Variants in KALRN observed in about 807,000 individuals in gnomAD.
KALRN encodes kalirin RhoGEF kinase.
KALRN carries 70 observed loss-of-function variants against 353.7 expected under a neutral mutation model. The observed-to-expected ratio is 0.20, with a 90% confidence interval of 0.16 to 0.24. The LOEUF (loss-of-function observed/expected upper bound fraction) is 0.24, where lower values mean the gene tolerates loss of function less well. KALRN is among the 10% of genes least tolerant of loss of function. The probability of loss-of-function intolerance (pLI) is 1.00; values close to 1 mark genes in which losing one functional copy is unlikely to be tolerated. For missense variants in KALRN, 2,791 were observed against 3,756.7 expected, an observed-to-expected ratio of 0.74 and a Z score of 6.72; for synonymous variants, 1,391 against 1,434.8, an observed-to-expected ratio of 0.97 and a Z score of 0.69.
chr3:124,061,767 C>T (rs1350517107), intron 1 of KALRN, among the ~76,000 whole-genome samples: 1 of 152,136 alleles, frequency 6.6e-6, no homozygotes. Flanking sequence ...TTGTTTTAGG[C>T]GCCATCTCTG....
At chr3:124,578,768 A>AG (rs2074362321) in intron 34 of KALRN, among the ~76,000 whole-genome samples, 1 of 49,912 alleles carries the variant, frequency 2.0e-5, no homozygotes, top group Non-Finnish European at 3.4e-5. Flanking sequence ...ACTCCATTTA[A>AG]AAAAAAAAAA....
intron 3 of KALRN, among the ~76,000 whole-genome samples, chr3:124,251,536 C>G (rs2071175646): frequency 6.6e-6 from 1 of 151,924 alleles, no homozygotes; most frequent in Non-Finnish European, 1.5e-5. Context: ...TGCCCAGCTA[C>G]TTTTGGTATT....
chr3:124,242,803 G>A (rs1339575717), intron 3 of KALRN, among the ~76,000 whole-genome samples: 1 of 152,094 alleles, frequency 6.6e-6, no homozygotes, highest in Non-Finnish European at 1.5e-5. Context: ...GGTGGTGGTG[G>A]TGTTGGGGTC....
chr3:124,321,198 G>C (rs1302134804), intron 6 of KALRN, among the ~76,000 whole-genome samples: 1 of 152,158 alleles, frequency 6.6e-6, no homozygotes, highest in African/African-American at 2.4e-5. Flanking sequence ...TTCAGAGTGG[G>C]GGCCTATGAC....
chr3:124,478,093 C>G (rs1478191251), intron 27 of KALRN, among the ~76,000 whole-genome samples: 1 of 152,036 alleles, frequency 6.6e-6, no homozygotes, highest in Non-Finnish European at 1.5e-5. Flanking sequence ...ATTGGCTTTA[C>G]AGTAAGCAAA....
chr3:124,050,380 C>A (rs1330051272), intron 1 of KALRN, among the ~76,000 whole-genome samples: 6 of 152,230 alleles, frequency 3.9e-5, no homozygotes, highest in African/African-American at 1.4e-4. Context: ...GACAGAACCT[C>A]TGCACTTGGC....
chr3:124,580,968 TA>T (rs1204616846), intron 34 of KALRN, among the ~76,000 whole-genome samples: 4 of 151,218 alleles, frequency 2.6e-5, no homozygotes, highest in Admixed American at 6.6e-5. Context: ...ATAATAATAA[TA>T]ATAAAGGAAA....
intron 4 of KALRN, 152 bp downstream of exon 4, chr3:124,264,842 T>C: frequency 1.5e-6 from 1 of 674,088 alleles, no homozygotes; most frequent in Non-Finnish European, 2.5e-6. Flanking sequence ...CCTTACCAGT[T>C]AGAGTATGGG....
intron 59 of KALRN, among the ~76,000 whole-genome samples, chr3:124,718,122 ATTTT>A (rs35779082): frequency 2.4e-5 from 3 of 126,968 alleles, no homozygotes; most frequent in Non-Finnish European, 3.3e-5. Context: ...CATTATGACT[ATTTT>A]TTTTTTTTTT....
chr3:124,671,959 T>A (rs1318504256), intron 48 of KALRN, 61 bp downstream of exon 48: 1 of 1,262,048 alleles, frequency 7.9e-7, no homozygotes, highest in Non-Finnish European at 1.1e-6. Context: ...CAGGGGTTAC[T>A]TTAGGAAGAG....
At chr3:124,488,622 G>A (rs1057031140) in intron 29 of KALRN, 1 of 271,372 alleles carries the variant, frequency 3.7e-6, no homozygotes, top group Non-Finnish European at 7.0e-6. Flanking sequence ...CCAACCTACA[G>A]CAGTCTTGTT....
chr3:124,080,986 G>C (rs1257000190), intron 1 of KALRN, among the ~76,000 whole-genome samples: 2 of 152,146 alleles, frequency 1.3e-5, no homozygotes, highest in East Asian at 1.9e-4. Flanking sequence ...AAAGCTCACT[G>C]TATGCTCCTA....
intron 5 of KALRN, among the ~76,000 whole-genome samples, chr3:124,277,996 A>ATGTGTGTGTGTGTGTGTGTGTGTG (rs3054178): frequency 1.4e-5 from 2 of 146,116 alleles, no homozygotes; most frequent in African/African-American, 2.5e-5. Context: ...GAGATGAACT[A>ATGTGTGTGTGTGTGTGTGTGTGTG]TGTGTGTGTG....
At chr3:124,519,283 C>A (rs7613442) in intron 33 of KALRN, 231,261 of 965,526 alleles carry the variant, frequency 0.24, 30,209 homozygotes, top group African/African-American at 0.49. Context: ...ATTCATTATA[C>A]CATTCTCCCC....
chr3:124,637,314 G>T lies in KALRN; in HGVS notation c.5664+11G>T, dbSNP rs965986954. 1.2e-6 allele frequency: 2 copies of T among 1,601,702 alleles called. No individual in the cohort carries two copies. Among genetic ancestry groups the T allele is most frequent in the South Asian group, 2.2e-5 (2 of 90,852 alleles). ...GTCAAAAACAAGCTGGTAAGTGGGG[G>T]TCCTGGAGGCAGTTCTGTGTGTGTC... On this transcript the variant is annotated intron_variant, in intron 37 of 59. Coordinates refer to ENST00000682506, the MANE Select transcript of KALRN (RefSeq NM_001388419.1).
chr3:124,592,618 A>C (rs2075910930), intron 34 of KALRN, among the ~76,000 whole-genome samples: 1 of 152,196 alleles, frequency 6.6e-6, no homozygotes, highest in South Asian at 2.1e-4. Flanking sequence ...CTAGATAAAA[A>C]TCATAACCGG....
At chr3:124,329,657 A>C (rs1281019042) in intron 7 of KALRN, among the ~76,000 whole-genome samples, 1 of 152,090 alleles carries the variant, frequency 6.6e-6, no homozygotes, top group African/African-American at 2.4e-5. Flanking sequence ...TGGAGACTAT[A>C]CTTCCTAAAT....
chr3:124,319,547 AC>A (rs1340039506), intron 6 of KALRN, among the ~76,000 whole-genome samples: 1 of 148,924 alleles, frequency 6.7e-6, no homozygotes, highest in Admixed American at 6.7e-5. Context: ...AGTTTTAATA[AC>A]CCTTTTCTCC....
At chr3:124,473,862 A>G (rs868466688) in intron 25 of KALRN, among the ~76,000 whole-genome samples, 5 of 152,222 alleles carry the variant, frequency 3.3e-5, no homozygotes, top group Admixed American at 6.5e-5. Context: ...TTCTGTCACT[A>G]TGTGTCCCCA....
Sources: gnomAD v4.1 joint callset for allele counts (sites outside exome capture counted in the v4.1 genomes callset) on GRCh38, gnomAD v4.1.1 for gene constraint, MANE v1.5 for transcripts, NCBI Gene and HGNC (gene_info 2026-07-23, HGNC 2026-07-21) for gene names.